Variants in SOS1 observed in about 807,000 individuals in gnomAD.
SOS1 encodes the protein SOS Ras/Rac guanine nucleotide exchange factor 1, also known as son of sevenless homolog 1.
SOS1 carries 25 observed loss-of-function variants against 157.6 expected under a neutral mutation model. That is an observed-to-expected ratio of 0.16 (90% confidence interval 0.12 to 0.22). The LOEUF (loss-of-function observed/expected upper bound fraction) is 0.22, where lower values mean the gene tolerates loss of function less well. Among genes scored for constraint, SOS1 ranks in the 10% least tolerant of loss-of-function variants. The pLI is 1.00. For synonymous variants in SOS1, 528 were observed against 534.0 expected (o/e 0.99, Z 0.16); for missense variants, 1,237 against 1,599.1 (o/e 0.77, Z 3.86).
At chr2:39,023,921 T>C (rs1669877870) in intron 9 of SOS1, 89 bp downstream of exon 9, 4 of 884,106 alleles carry the variant, frequency 4.5e-6, no homozygotes, top group Non-Finnish European at 3.7e-6. Context: ...ATTTTCTTCA[T>C]TGTTTACTTG....
rs1312828563 is a variant in SOS1, at chr2:39,120,642, G to C, written c.-220C>G. 1 of 287,052 alleles carries C rather than the reference G, an allele frequency of 3.5e-6. No homozygotes were observed. The highest frequency in any genetic ancestry group is 5.2e-6 in the Non-Finnish European group (1 of 193,896). The allele number at this position is 287,052 out of a possible 1,614,324, so 17.8% of individuals were successfully genotyped here. A position where few individuals can be genotyped will look rare whatever the true frequency, so the allele number is the denominator to read the frequency against. ...ACACAGGTACCAGCCGTGGAGAACG[G>C]ACGCGGCCCGGAGGCGGCGGCATCC... On this transcript the variant is annotated 5_prime_UTR_variant, in exon 1 of 23. Transcript: ENST00000402219.
chr2:39,099,766 G>A (rs895635458), intron 1 of SOS1, among the ~76,000 whole-genome samples: 1 of 152,128 alleles, frequency 6.6e-6, no homozygotes, highest in Non-Finnish European at 1.5e-5. Flanking sequence ...TGGAGACAGA[G>A]TCTCACTCTG....
chr2:39,040,740 T>C (rs923079276), intron 6 of SOS1, among the ~76,000 whole-genome samples: 2 of 152,252 alleles, frequency 1.3e-5, no homozygotes, highest in East Asian at 3.8e-4. Context: ...TAACCATTCA[T>C]CTGTTGATGG....
chr2:39,113,205 T>G (rs1395188858), intron 1 of SOS1, among the ~76,000 whole-genome samples: 1 of 152,134 alleles, frequency 6.6e-6, no homozygotes, highest in Non-Finnish European at 1.5e-5. Context: ...CATTAATGTA[T>G]TTAGAGACAC....
chr2:39,015,919 T>C (rs1463025047), intron 10 of SOS1, among the ~76,000 whole-genome samples: 1 of 150,566 alleles, frequency 6.6e-6, no homozygotes, highest in South Asian at 2.1e-4. Context: ...AGTAAATTCA[T>C]AGAGGGTAGC....
intron 4 of SOS1, among the ~76,000 whole-genome samples, 170 bp from the exon 5 acceptor site, chr2:39,054,993 A>G (rs757854284): frequency 3.9e-5 from 6 of 152,194 alleles, no homozygotes; most frequent in Admixed American, 6.5e-5. Flanking sequence ...TCTCTAAAAC[A>G]GAATTCAACA....
intron 8 of SOS1, among the ~76,000 whole-genome samples, chr2:39,034,274 G>A (rs1670266941): frequency 6.6e-6 from 1 of 152,230 alleles, no homozygotes; most frequent in Non-Finnish European, 1.5e-5. Flanking sequence ...ATGTAAGGAT[G>A]AGAGTTCCTC....
intron 1 of SOS1, among the ~76,000 whole-genome samples, chr2:39,084,922 T>C (rs752479953): frequency 2.6e-5 from 4 of 152,172 alleles, no homozygotes; most frequent in Non-Finnish European, 5.9e-5. Context: ...TCAACTATGC[T>C]CTTTATCTTC....
In SOS1 at chr2:38,982,605, T is replaced by TAA. The variant is rs1668436692; in HGVS notation, c.*3217_*3218dup. On this transcript the variant is annotated 3_prime_UTR_variant, in exon 23 of 23. Coordinates refer to ENST00000402219, the MANE Select transcript of SOS1 (RefSeq NM_005633.4). ...AGCAGAATACCAAGAAATAAATGGT[T>TAA]AAACTGTTTCTTTCTAAATCTGAAG... is the stretch of plus-strand genomic sequence containing the variant. The TAA allele has an allele frequency of 6.6e-6, 1 of 152,302 alleles. No individual in the cohort carries two copies. Among genetic ancestry groups the TAA allele is most frequent in the African/African-American group, 2.4e-5 (1 of 41,576 alleles). The allele number at this position is 152,302 out of a possible 1,614,324, so 9.4% of individuals were successfully genotyped here.
At chr2:39,033,002 A>G (rs1305749427) in intron 8 of SOS1, among the ~76,000 whole-genome samples, 1 of 152,058 alleles carries the variant, frequency 6.6e-6, no homozygotes, top group Non-Finnish European at 1.5e-5. Context: ...AGGCAGTAAT[A>G]TGAACCGGGA....
chr2:39,002,183 G>A (rs868304375), intron 17 of SOS1, among the ~76,000 whole-genome samples: 3 of 152,018 alleles, frequency 2.0e-5, no homozygotes, highest in African/African-American at 4.8e-5. Context: ...AAAATTAGCC[G>A]GGTGTGGTGG....
chr2:39,072,269 C>G lies in SOS1; in HGVS notation c.88-4516G>C, dbSNP rs528967607. On this transcript the variant is annotated intron_variant, in intron 1 of 22. Transcript: ENST00000402219. ...ATAGTGATGTTCCAACTGGGCAGGG[C>G]TTTATGTACTTATAATTTTCTCCTT... 7.2e-5 allele frequency among the ~76,000 whole-genome samples: 11 copies of G among 152,226 alleles called. No homozygotes were observed. The South Asian group carries it at 2.1e-3, about 29-fold the overall frequency.
At chr2:39,004,199 A>T (rs1041829079) in intron 17 of SOS1, among the ~76,000 whole-genome samples, 2 of 152,062 alleles carry the variant, frequency 1.3e-5, no homozygotes, top group African/African-American at 4.8e-5. Context: ...GCGGATCATG[A>T]AGTCAGGAGA....
intron 10 of SOS1, among the ~76,000 whole-genome samples, chr2:39,017,782 T>G (rs1055915348): frequency 6.6e-6 from 1 of 152,026 alleles, no homozygotes; most frequent in Non-Finnish European, 1.5e-5. Flanking sequence ...AGTACTTATA[T>G]TTGAAATTTT....
At chr2:39,104,282 CAAAT>C (rs761160552) in intron 1 of SOS1, among the ~76,000 whole-genome samples, 4 of 141,056 alleles carry the variant, frequency 2.8e-5, no homozygotes, top group South Asian at 2.1e-4. Context: ...GACTTCATCT[CAAAT>C]AAATAAATAA....
At chr2:39,045,036 T>A (rs547521612) in intron 6 of SOS1, among the ~76,000 whole-genome samples, 1 of 152,220 alleles carries the variant, frequency 6.6e-6, no homozygotes, top group Non-Finnish European at 1.5e-5. Context: ...ATGTACGTTA[T>A]GTAAAGAGTT....
intron 10 of SOS1, among the ~76,000 whole-genome samples, chr2:39,021,931 G>GA (rs1193962446): frequency 1.3e-5 from 2 of 151,422 alleles, no homozygotes; most frequent in Non-Finnish European, 3.0e-5. Flanking sequence ...GCTTTATATG[G>GA]AAAAAAATGA....
chr2:39,044,864 G>GCGCGCACACA (rs147443441), intron 6 of SOS1, among the ~76,000 whole-genome samples: 1,803 of 147,724 alleles, frequency 0.012, 13 homozygotes, highest in Non-Finnish European at 0.015. Flanking sequence ...GCGCGCGCGC[G>GCGCGCACACA]CACACACACA....
intron 1 of SOS1, among the ~76,000 whole-genome samples, chr2:39,113,761 C>T (rs1449203191): frequency 6.6e-6 from 1 of 152,200 alleles, no homozygotes. Flanking sequence ...CACCAGCATT[C>T]TCTATTAGCT....
Sources: allele counts gnomAD v4.1 joint callset (sites outside exome capture counted in the v4.1 genomes callset), GRCh38; gene constraint gnomAD v4.1.1; transcripts MANE v1.5; gene names NCBI Gene and HGNC (gene_info 2026-07-23, HGNC 2026-07-21).